PDSS2: variants seen among roughly 807,000 people sequenced by gnomAD.
PDSS2 encodes the protein decaprenyl diphosphate synthase subunit 2.
PDSS2 carries 31 observed loss-of-function variants against 44.5 expected under a neutral mutation model. The ratio of observed to expected loss-of-function variants is 0.70; its 90% CI spans 0.52 to 0.94. The LOEUF (loss-of-function observed/expected upper bound fraction) is 0.94, where lower values mean the gene tolerates loss of function less well. PDSS2 is among the 40% of genes least tolerant of loss of function. The pLI, the probability that PDSS2 is intolerant of heterozygous loss-of-function variation, is 0.00. For synonymous variants in PDSS2, 157 were observed against 180.3 expected (o/e 0.87, Z 1.03); for missense variants, 452 against 482.2 (o/e 0.94, Z 0.59).
At chr6:107,424,365 A>T (rs1780923644) in intron 1 of PDSS2, among the ~76,000 whole-genome samples, 1 of 152,062 alleles carries the variant, frequency 6.6e-6, no homozygotes, top group South Asian at 2.1e-4. Context: ...ATTAAACTGC[A>T]TCATTATTTG....
chr6:107,363,922 G>A (rs1375159319), intron 1 of PDSS2, among the ~76,000 whole-genome samples: 1 of 152,110 alleles, frequency 6.6e-6, no homozygotes, highest in East Asian at 1.9e-4. Context: ...CACAAACCTT[G>A]AGCTAAACAC....
chr6:107,188,706 G>A (rs1332136488), intron 7 of PDSS2, among the ~76,000 whole-genome samples: 1 of 152,106 alleles, frequency 6.6e-6, no homozygotes, highest in Non-Finnish European at 1.5e-5. Context: ...TTGGTGACGA[G>A]TGAGTTCTCA....
At chr6:107,284,870 A>G (rs1776090198) in intron 2 of PDSS2, among the ~76,000 whole-genome samples, 1 of 152,214 alleles carries the variant, frequency 6.6e-6, no homozygotes, top group Non-Finnish European at 1.5e-5. Flanking sequence ...AACACTATGT[A>G]AAAATATTTT....
chr6:107,229,683 G>A (rs1193203714), intron 4 of PDSS2: 4 of 152,076 alleles, frequency 2.6e-5, no homozygotes, highest in Non-Finnish European at 5.9e-5. Context: ...TGCTTCTGTA[G>A]GCATACATGT....
At chr6:107,389,009 T>C (rs756901127) in intron 1 of PDSS2, among the ~76,000 whole-genome samples, 126 of 152,200 alleles carry the variant, frequency 8.3e-4, no homozygotes, top group Non-Finnish European at 1.8e-4. Context: ...TTTATTCATA[T>C]AATATTCTGG....
chr6:107,440,152 G>A (rs1781472100), intron 1 of PDSS2, among the ~76,000 whole-genome samples: 1 of 152,100 alleles, frequency 6.6e-6, no homozygotes, highest in African/African-American at 2.4e-5. Flanking sequence ...ACCTCATAAG[G>A]GATGGACTCC....
intron 1 of PDSS2, among the ~76,000 whole-genome samples, chr6:107,454,052 T>TC (rs1237762199): frequency 6.6e-6 from 1 of 151,026 alleles, no homozygotes; most frequent in Non-Finnish European, 1.5e-5. Context: ...GACTTCTTTT[T>TC]TTTTTTTTTT....
intron 7 of PDSS2, among the ~76,000 whole-genome samples, chr6:107,188,074 A>G (rs142333881): frequency 6.6e-6 from 1 of 152,158 alleles, no homozygotes; most frequent in Non-Finnish European, 1.5e-5. Flanking sequence ...TAGTGCCTCC[A>G]ATATATTAAC....
Position 107,154,673 on chromosome 6 carries a change from C to A in PDSS2, c.1146G>T (p.Ser382=). 1 of 1,614,136 alleles carries A rather than the reference C, an allele frequency of 6.2e-7. No homozygotes were observed. Among genetic ancestry groups the A allele is most frequent in the Non-Finnish European group, 8.5e-7 (1 of 1,179,992 alleles). The change falls in exon 8 of 8, where the codon TCG becomes TCT. Residue 382 remains serine (S), a synonymous_variant. Coordinates refer to ENST00000369037, the MANE Select transcript of PDSS2 (RefSeq NM_020381.4). ...TGTTTTCTAAAGCAGATCTGGCCTC[C>A]GAGGGAGGAAAGCTCTCCAGGGCCT... is the stretch of plus-strand genomic sequence containing the variant. ...ALEALESFPP[S]EARSALENIV...
At chr6:107,159,633 T>A (rs1041041733) in intron 7 of PDSS2, among the ~76,000 whole-genome samples, 1 of 151,588 alleles carries the variant, frequency 6.6e-6, no homozygotes, top group Non-Finnish European at 1.5e-5. Flanking sequence ...TTAGCCAGGA[T>A]GGTCTTGATC....
At chr6:107,298,036 C>A (rs1776568210) in intron 2 of PDSS2, among the ~76,000 whole-genome samples, 1 of 152,016 alleles carries the variant, frequency 6.6e-6, no homozygotes, top group African/African-American at 2.4e-5. Context: ...TGAGCCACTG[C>A]CCCAGCCAGA....
chr6:107,269,947 G>C (rs540540430), intron 3 of PDSS2, among the ~76,000 whole-genome samples: 2 of 151,890 alleles, frequency 1.3e-5, no homozygotes, highest in East Asian at 3.9e-4. Context: ...AAATACAGGC[G>C]TGAGCCACCG....
intron 7 of PDSS2, among the ~76,000 whole-genome samples, chr6:107,160,969 C>A (rs1771104345): frequency 6.6e-6 from 1 of 151,420 alleles, no homozygotes; most frequent in South Asian, 2.1e-4. Context: ...AACTCCTGAC[C>A]TCAGGTGATC....
At chr6:107,458,957 T>C (rs1413695865) in intron 1 of PDSS2, 33 bp downstream of exon 1, 1 of 1,606,582 alleles carries the variant, frequency 6.2e-7, no homozygotes, top group South Asian at 1.1e-5. Context: ...TTCCAATGAG[T>C]GCGAGTGTGT....
chr6:107,213,111 G>A (rs1007008598), intron 4 of PDSS2, among the ~76,000 whole-genome samples: 2 of 151,942 alleles, frequency 1.3e-5, no homozygotes, highest in Non-Finnish European at 2.9e-5. Context: ...CCGGGCTCAA[G>A]CGATCCTTCC....
At chr6:107,355,028 G>A (rs1158542492) in intron 1 of PDSS2, among the ~76,000 whole-genome samples, 1 of 152,060 alleles carries the variant, frequency 6.6e-6, no homozygotes, top group African/African-American at 2.4e-5. Flanking sequence ...CGCCTCCTGG[G>A]TTCAAGCAAT....
At chr6:107,175,062 A>C (rs1012867952) in intron 7 of PDSS2, among the ~76,000 whole-genome samples, 1 of 152,000 alleles carries the variant, frequency 6.6e-6, no homozygotes, top group Non-Finnish European at 1.5e-5. Flanking sequence ...AAATACAAAA[A>C]TTAGCCAGGC....
intron 7 of PDSS2, among the ~76,000 whole-genome samples, chr6:107,172,192 A>C (rs1771603677): frequency 6.6e-6 from 1 of 152,232 alleles, no homozygotes; most frequent in South Asian, 2.1e-4. Context: ...ACATTTATTA[A>C]ACACCTTTTG....
chr6:107,439,078 T>C (rs1289449529), intron 1 of PDSS2, among the ~76,000 whole-genome samples: 1 of 152,200 alleles, frequency 6.6e-6, no homozygotes, highest in Non-Finnish European at 1.5e-5. Context: ...AGTGAAATGT[T>C]ATTATGAGAC....
Sources: allele counts gnomAD v4.1 joint callset (sites outside exome capture counted in the v4.1 genomes callset), GRCh38; gene constraint gnomAD v4.1.1; transcripts MANE v1.5; gene names NCBI Gene and HGNC (gene_info 2026-07-23, HGNC 2026-07-21).